The following SLC29A3 variants were observed in gnomAD, a reference collection of about 807,000 sequenced individuals.
The protein encoded by SLC29A3 is solute carrier family 29 member 3, also known as equilibrative nucleoside transporter 3.
A neutral mutation model predicts 25.4 loss-of-function variants in SLC29A3; 18 were observed. The observed-to-expected ratio is 0.71, with a 90% CI of 0.49 to 1.05. The LOEUF is 1.05. SLC29A3 is among the 50% of genes least tolerant of loss of function. The pLI, the probability that SLC29A3 is intolerant of heterozygous loss-of-function variation, is 0.00. For synonymous variants in SLC29A3, 258 were observed against 267.1 expected, an observed-to-expected ratio of 0.97 and a Z score of 0.33; for missense variants, 586 against 609.0, an observed-to-expected ratio of 0.96 and a Z score of 0.40.
intron 2 of SLC29A3, among the ~76,000 whole-genome samples, chr10:71,337,047 G>A (rs569014432): frequency 6.6e-6 from 1 of 152,294 alleles, no homozygotes; most frequent in South Asian, 2.1e-4. Flanking sequence ...GAGCTTACCT[G>A]TCTGATTCTG....
chr10:71,346,806 C>T (rs1027275265), intron 3 of SLC29A3, among the ~76,000 whole-genome samples: 1 of 152,176 alleles, frequency 6.6e-6, no homozygotes, highest in Non-Finnish European at 1.5e-5. Flanking sequence ...CCCCTGCAGG[C>T]AGAACCACTC....
chr10:71,325,840 A>G (rs1845952272), intron 2 of SLC29A3, among the ~76,000 whole-genome samples: 1 of 150,462 alleles, frequency 6.6e-6, no homozygotes, highest in Admixed American at 6.6e-5. Flanking sequence ...GGCACAGTAG[A>G]GTTTGTGGTG....
rs1417210 is a variant in SLC29A3 at position 71,376,162 on chromosome 10, G to C, written c.*211+351G>C. 3.8e-4 allele frequency among the ~76,000 whole-genome samples: 58 copies of C among 152,318 alleles called. No homozygotes were observed. The South Asian group carries it at 0.012, about 32-fold the overall frequency. On this transcript the variant is annotated intron_variant and NMD_transcript_variant, in intron 4 of 4. Coordinates refer to the SLC29A3 transcript ENST00000642772. ...GATTGTTCCTGTCCTAAGTAAACAC[G>C]GCAATGTGTCTCTTACAAAGCTCTG...
intron 3 of SLC29A3, among the ~76,000 whole-genome samples, chr10:71,345,855 G>A (rs926273458): frequency 6.6e-6 from 1 of 152,244 alleles, no homozygotes; most frequent in Non-Finnish European, 1.5e-5. Context: ...GGAGACAGCC[G>A]TGGTGGGGGG....
intron 4 of SLC29A3, among the ~76,000 whole-genome samples, chr10:71,354,844 G>C (rs1437628674): frequency 6.6e-6 from 1 of 152,206 alleles, no homozygotes; most frequent in African/African-American, 2.4e-5. Flanking sequence ...ACGGTCACCT[G>C]TGATGAACAG....
At chr10:71,324,698 T>C (rs1445449171) in intron 2 of SLC29A3, among the ~76,000 whole-genome samples, 1 of 152,094 alleles carries the variant, frequency 6.6e-6, no homozygotes, top group East Asian at 1.9e-4. Flanking sequence ...GACCTGAGTA[T>C]GTGTGGATTT....
chr10:71,370,631 C>T (rs1036241218), intron 3 of SLC29A3, among the ~76,000 whole-genome samples: 2 of 152,164 alleles, frequency 1.3e-5, no homozygotes, highest in African/African-American at 2.4e-5. Context: ...AACTCCTAGG[C>T]TCAAGTGATC....
chr10:71,322,193 G>A (rs907840895), intron 1 of SLC29A3, among the ~76,000 whole-genome samples: 8 of 150,840 alleles, frequency 5.3e-5, no homozygotes, highest in African/African-American at 1.5e-4. Context: ...AACTTCTTAT[G>A]TAGCCTTCCA....
chr10:71,363,937 G>A (rs1291354346), downstream of SLC29A3, among the ~76,000 whole-genome samples: 1 of 151,704 alleles, frequency 6.6e-6, no homozygotes, highest in Non-Finnish European at 1.5e-5. Context: ...AGGGGGTTGT[G>A]CATTCTATCT....
At chr10:71,360,014 C>T (rs1279951497) in intron 5 of SLC29A3, among the ~76,000 whole-genome samples, 1 of 152,052 alleles carries the variant, frequency 6.6e-6, no homozygotes, top group African/African-American at 2.4e-5. Flanking sequence ...AAGGAAGACA[C>T]TTCTATAGGC....
chr10:71,341,026 C>A (rs1383410470), intron 2 of SLC29A3, among the ~76,000 whole-genome samples: 1 of 152,320 alleles, frequency 6.6e-6, no homozygotes, highest in East Asian at 1.9e-4. Context: ...GGAGCCACCA[C>A]GTTCAGAGCA....
In SLC29A3 at chr10:71,339,561, GT is replaced by G. The variant is rs368330026; in HGVS notation, c.301-4646del. Among the ~76,000 whole-genome samples the G allele has an allele frequency of 1.5e-3, 233 of 152,222 alleles. 1 individual carries two copies. Among genetic ancestry groups the G allele is most frequent in the African/African-American group, 5.3e-3 (221 of 41,552 alleles). On this transcript the variant is annotated intron_variant, in intron 2 of 5. Coordinates refer to ENST00000373189, the MANE Select transcript of SLC29A3 (RefSeq NM_018344.6). ...GGGTTGAGTGCCTTGGCTGCTTGAG[GT>G]TCTGCCAGCCCTCCTGTGGATGGGA...
At chr10:71,346,584 A>G (rs940405290) in intron 3 of SLC29A3, among the ~76,000 whole-genome samples, 3 of 152,226 alleles carry the variant, frequency 2.0e-5, no homozygotes, top group Non-Finnish European at 4.4e-5. Flanking sequence ...ACATGCATGT[A>G]GTCCCAGCTA....
At chr10:71,377,881 G>A (rs1314310249) in intron 4 of SLC29A3, among the ~76,000 whole-genome samples, 1 of 125,896 alleles carries the variant, frequency 7.9e-6, no homozygotes, top group African/African-American at 3.1e-5. Context: ...GAAAATAGGA[G>A]TTTAGACAGA....
At chr10:71,347,724 A>G (rs765624245) in intron 3 of SLC29A3, among the ~76,000 whole-genome samples, 15 of 152,204 alleles carry the variant, frequency 9.9e-5, no homozygotes, top group Non-Finnish European at 2.9e-5. Context: ...GTGAAGGGCC[A>G]TGTAGGGGGA....
chr10:71,337,831 C>T (rs1021251806), intron 2 of SLC29A3, among the ~76,000 whole-genome samples: 3 of 152,168 alleles, frequency 2.0e-5, no homozygotes, highest in South Asian at 2.1e-4. Context: ...CTCAGTGTGG[C>T]GGAGGAGAGG....
chr10:71,325,021 G>A (rs1845934515), intron 2 of SLC29A3, among the ~76,000 whole-genome samples: 1 of 152,188 alleles, frequency 6.6e-6, no homozygotes, highest in Admixed American at 6.5e-5. Flanking sequence ...GGGAGGCAAG[G>A]GCTTCTCCGA....
chr10:71,332,153 T>C (rs774262143), intron 2 of SLC29A3, among the ~76,000 whole-genome samples: 9,471 of 74,390 alleles, frequency 0.13, 898 homozygotes, highest in African/African-American at 0.29. Flanking sequence ...CTTTTTTTTC[T>C]TTTTTTTTTT....
At chr10:71,328,128 C>T (rs920466172) in intron 2 of SLC29A3, among the ~76,000 whole-genome samples, 1 of 152,204 alleles carries the variant, frequency 6.6e-6, no homozygotes, top group Non-Finnish European at 1.5e-5. Context: ...CCAGGGACTC[C>T]TCTCTGAGGG....
Sources: gnomAD v4.1 joint callset for allele counts (sites outside exome capture counted in the v4.1 genomes callset) on GRCh38, gnomAD v4.1.1 for gene constraint, MANE v1.5 for transcripts, NCBI Gene and HGNC (gene_info 2026-07-23, HGNC 2026-07-21) for gene names.